GRIA4: variants seen among roughly 807,000 people sequenced by gnomAD.
The protein encoded by GRIA4 is glutamate receptor 4.
GRIA4 carries 34 observed loss-of-function variants against 104.0 expected under a neutral mutation model. The ratio of observed to expected loss-of-function variants is 0.33; its 90% confidence interval spans 0.25 to 0.44. The LOEUF is 0.44. Among genes scored for constraint, GRIA4 ranks in the 20% least tolerant of loss-of-function variants. GRIA4 has a pLI of 1.00. For synonymous variants in GRIA4, 386 were observed against 381.9 expected (o/e 1.01, Z -0.13); for missense variants, 750 against 1,096.5 (o/e 0.68, Z 4.46).
intron 4 of GRIA4, among the ~76,000 whole-genome samples, chr11:105,837,833 A>G (rs1944251264): frequency 6.6e-6 from 1 of 152,174 alleles, no homozygotes; most frequent in Non-Finnish European, 1.5e-5. Context: ...ACAGTTACCA[A>G]ATAAGAGCTA....
chr11:105,817,002 AAGT>A (rs1419985712), intron 4 of GRIA4, among the ~76,000 whole-genome samples: 1 of 316 alleles, frequency 3.2e-3, no homozygotes, highest in African/African-American at 0.011. Flanking sequence ...CCTGGGTAAC[AAGT>A]GAAACAGAGT....
chr11:105,933,865 G>T lies in GRIA4; in HGVS notation c.2190G>T (p.Met730Ile), dbSNP rs1275325216. 2 of 1,613,428 alleles carry T rather than the reference G, an allele frequency of 1.2e-6. No individual in the cohort carries two copies. Among genetic ancestry groups the T allele is most frequent in the Non-Finnish European group, 1.7e-6 (2 of 1,179,636 alleles). ...GKFAFLLEST[M>I]NEYIEQRKPC... is the part of the protein sequence containing the mutation. The stretch of plus-strand genomic sequence containing the variant: ...TTGCCTTTCTCCTGGAGTCCACTAT[G>T]AATGAATACATTGAGCAGCGAAAGC... The change falls in exon 14 of 17, where the codon ATG (methionine) becomes ATT (isoleucine). Residue 730 changes from methionine to isoleucine, a missense_variant. By Grantham distance (10) the Met-to-Ile change is conservative (BLOSUM62 1). Transcript: ENST00000282499.
At chr11:105,861,694 A>C (rs999070866) in intron 4 of GRIA4, among the ~76,000 whole-genome samples, 1 of 152,184 alleles carries the variant, frequency 6.6e-6, no homozygotes, top group African/African-American at 2.4e-5. Flanking sequence ...GGGTTTATGA[A>C]ATTGCTATTG....
intron 3 of GRIA4, among the ~76,000 whole-genome samples, chr11:105,652,499 G>A (rs528379527): frequency 3.3e-5 from 5 of 152,166 alleles, no homozygotes; most frequent in Non-Finnish European, 5.9e-5. Context: ...TTTATTTGTG[G>A]TTAATCAGAA....
intron 14 of GRIA4, among the ~76,000 whole-genome samples, chr11:105,961,507 A>T (rs1948744112): frequency 6.6e-6 from 1 of 152,200 alleles, no homozygotes; most frequent in Non-Finnish European, 1.5e-5. Flanking sequence ...ATTTTATATA[A>T]TGTAGTATGA....
At chr11:105,895,770 C>G (rs1044275394) in intron 6 of GRIA4, among the ~76,000 whole-genome samples, 4 of 152,078 alleles carry the variant, frequency 2.6e-5, no homozygotes, top group African/African-American at 9.7e-5. Flanking sequence ...TTTTTTCCTA[C>G]CACACAGGAG....
chr11:105,622,042 T>A (rs982596800), intron 3 of GRIA4, among the ~76,000 whole-genome samples: 2 of 151,904 alleles, frequency 1.3e-5, no homozygotes, highest in Non-Finnish European at 2.9e-5. Flanking sequence ...GAGAGTGTTT[T>A]ACATACTATA....
intron 3 of GRIA4, among the ~76,000 whole-genome samples, chr11:105,672,411 T>C (rs1952404409): frequency 6.6e-6 from 1 of 152,154 alleles, no homozygotes; most frequent in Non-Finnish European, 1.5e-5. Flanking sequence ...TTTATGTTAA[T>C]GAGAAAATGA....
chr11:105,942,149 G>T (rs925460568), intron 14 of GRIA4, among the ~76,000 whole-genome samples: 4 of 151,928 alleles, frequency 2.6e-5, no homozygotes, highest in Non-Finnish European at 5.9e-5. Context: ...CTAACCTTTG[G>T]CTTATATCTG....
chr11:105,932,750 T>G (rs555836697), intron 13 of GRIA4, among the ~76,000 whole-genome samples: 27 of 152,238 alleles, frequency 1.8e-4, no homozygotes, highest in African/African-American at 5.8e-4. Flanking sequence ...ATTTGAAAAT[T>G]TTCTCAGAAA....
intron 3 of GRIA4, among the ~76,000 whole-genome samples, chr11:105,745,436 T>G (rs1054020545): frequency 6.6e-6 from 1 of 152,140 alleles, no homozygotes; most frequent in South Asian, 2.1e-4. Flanking sequence ...TGAGTTTCCA[T>G]CCATGTAGTA....
intron 3 of GRIA4, among the ~76,000 whole-genome samples, chr11:105,651,462 C>G (rs1951684709): frequency 6.6e-6 from 1 of 152,002 alleles, no homozygotes. Flanking sequence ...ACGGGAATCT[C>G]TCTCCTCTCT....
intron 4 of GRIA4, among the ~76,000 whole-genome samples, chr11:105,812,341 T>G (rs1266762117): frequency 2.0e-5 from 3 of 152,138 alleles, no homozygotes; most frequent in Non-Finnish European, 4.4e-5. Context: ...TTGGTGAATT[T>G]GTTGTGAATA....
At chr11:105,699,376 C>T (rs1953403004) in intron 3 of GRIA4, among the ~76,000 whole-genome samples, 1 of 152,114 alleles carries the variant, frequency 6.6e-6, no homozygotes, top group South Asian at 2.1e-4. Flanking sequence ...TACAAGATCA[C>T]ATCACATGAC....
intron 3 of GRIA4, among the ~76,000 whole-genome samples, chr11:105,682,215 T>C (rs2372): frequency 0.015 from 2,290 of 152,264 alleles, 29 homozygotes; most frequent in Non-Finnish European, 0.024. Context: ...TTAATATCTT[T>C]ATTTTATTTT....
chr11:105,937,669 T>G (rs997240056), intron 14 of GRIA4, among the ~76,000 whole-genome samples: 2 of 152,218 alleles, frequency 1.3e-5, no homozygotes, highest in Non-Finnish European at 2.9e-5. Context: ...ACCTATACTT[T>G]TATTATTCAA....
At chr11:105,635,930 G>T (rs893885148) in intron 3 of GRIA4, among the ~76,000 whole-genome samples, 2 of 152,198 alleles carry the variant, frequency 1.3e-5, no homozygotes, top group Non-Finnish European at 1.5e-5. Flanking sequence ...GATAATCTCT[G>T]TAGCACTGAT....
intron 3 of GRIA4, among the ~76,000 whole-genome samples, chr11:105,697,468 T>G (rs1414924554): frequency 6.6e-6 from 1 of 152,126 alleles, no homozygotes; most frequent in African/African-American, 2.4e-5. Flanking sequence ...TGGAAGGACA[T>G]GACTGTGAAA....
chr11:105,800,854 A>C (rs1207450818), intron 4 of GRIA4, among the ~76,000 whole-genome samples: 1 of 151,998 alleles, frequency 6.6e-6, no homozygotes, highest in Non-Finnish European at 1.5e-5. Flanking sequence ...TTCTTCCATG[A>C]ATGAGCTTCT....
Sources: gnomAD v4.1 joint callset for allele counts (sites outside exome capture counted in the v4.1 genomes callset) on GRCh38, gnomAD v4.1.1 for gene constraint, MANE v1.5 for transcripts, NCBI Gene and HGNC (gene_info 2026-07-23, HGNC 2026-07-21) for gene names.